DSCAML1: variants seen among roughly 807,000 people sequenced by gnomAD.
DSCAML1 encodes the protein DS cell adhesion molecule like 1.
DSCAML1 carries 38 observed loss-of-function variants against 200.5 expected under a neutral mutation model. That is an observed-to-expected ratio of 0.19 (90% confidence interval 0.15 to 0.25). The LOEUF is 0.25. Among genes scored for constraint, DSCAML1 ranks in the 10% least tolerant of loss-of-function variants. DSCAML1 has a pLI of 1.00. For missense variants in DSCAML1, 2,223 were observed against 2,858.8 expected (o/e 0.78, Z 5.07); for synonymous variants, 1,215 against 1,165.0 (o/e 1.04, Z -0.87).
In DSCAML1 at chr11:117,797,138, C is replaced by A; in HGVS notation, c.-59G>T. On this transcript the variant is annotated 5_prime_UTR_variant, in exon 1 of 33. Transcript: ENST00000651296. ...TCCTGTGGCCGGCCGTGCGGCAGCG[C>A]CTCTCCCCCGCTCAGCGCGCTCCCA... The A allele has an allele frequency of 6.3e-7, 1 of 1,591,190 alleles. No individual in the cohort carries two copies. Among genetic ancestry groups the A allele is most frequent in the South Asian group, 1.1e-5 (1 of 88,330 alleles).
At chr11:117,529,830 G>A (rs2137336448) in intron 4 of DSCAML1, among the ~76,000 whole-genome samples, 1 of 152,052 alleles carries the variant, frequency 6.6e-6, no homozygotes. Context: ...GGGAGGGGCG[G>A]GTGAGCCTGA....
At chr11:117,734,544 C>G (rs554660741) in intron 3 of DSCAML1, among the ~76,000 whole-genome samples, 39 of 152,338 alleles carry the variant, frequency 2.6e-4, no homozygotes, top group African/African-American at 8.9e-4. Flanking sequence ...TTATTTTAAA[C>G]CTTGAATTGT....
At chr11:117,435,473 C>T (rs1046165528) in intron 27 of DSCAML1, among the ~76,000 whole-genome samples, 171 bp downstream of exon 27, 2 of 152,196 alleles carry the variant, frequency 1.3e-5, no homozygotes, top group Admixed American at 6.5e-5. Flanking sequence ...AAGTGGTGAA[C>T]GAAACCTTCT....
chr11:117,811,248 C>G (rs1017344974), intron 1 of DSCAML1, among the ~76,000 whole-genome samples: 3 of 152,086 alleles, frequency 2.0e-5, no homozygotes, highest in African/African-American at 7.3e-5. Flanking sequence ...CGGCAGCAAC[C>G]CTGAGAAGCT....
At chr11:117,451,213 G>A (rs2048275882) in intron 19 of DSCAML1, among the ~76,000 whole-genome samples, 1 of 152,176 alleles carries the variant, frequency 6.6e-6, no homozygotes, top group Admixed American at 6.5e-5. Context: ...AAGTCACTAG[G>A]AAATCCATCC....
upstream of DSCAML1, chr11:117,801,165 A>C (rs560526072): frequency 6.6e-6 from 1 of 152,252 alleles, no homozygotes; most frequent in Non-Finnish European, 1.5e-5. Context: ...AATATTATAG[A>C]AAGAGTTCTC....
At chr11:117,515,804 A>G (rs1034516210) in intron 8 of DSCAML1, among the ~76,000 whole-genome samples, 1 of 151,826 alleles carries the variant, frequency 6.6e-6, no homozygotes, top group African/African-American at 2.4e-5. Flanking sequence ...AATTTTTAGT[A>G]GAGACGGGGT....
At position 117,797,130 on chromosome 11, in the gene DSCAML1, C is replaced by T. The variant is rs201764408; in HGVS notation, c.-51G>A. On this transcript the variant is annotated 5_prime_UTR_variant, in exon 1 of 33. Coordinates refer to ENST00000651296, the MANE Select transcript of DSCAML1 (RefSeq NM_020693.4). Reference sequence around the variant, plus strand: ...GGAGGTGGTCCTGTGGCCGGCCGTGCGGCAGCGCCTCTCCCCCGCTCAGCG... The same window carrying T: ...GGAGGTGGTCCTGTGGCCGGCCGTGTGGCAGCGCCTCTCCCCCGCTCAGCG... The T allele has an allele frequency of 1.3e-6, 2 of 1,591,072 alleles. No individual in the cohort carries two copies. The highest frequency in any genetic ancestry group is 1.7e-5 in the Admixed American group (1 of 57,594).
At chr11:117,586,580 C>T (rs1264119991) in intron 3 of DSCAML1, among the ~76,000 whole-genome samples, 17 of 152,252 alleles carry the variant, frequency 1.1e-4, no homozygotes, top group Admixed American at 9.8e-4. Context: ...CTGTTCGACT[C>T]GGCTGGCAGG....
At chr11:117,484,528 T>A (rs781475257) in intron 11 of DSCAML1, among the ~76,000 whole-genome samples, 31 of 152,028 alleles carry the variant, frequency 2.0e-4, no homozygotes, top group Admixed American at 3.3e-4. Flanking sequence ...AAAAGACAAA[T>A]AACGAGGTGC....
rs2047949623 is a variant in DSCAML1 at position 117,437,732 on chromosome 11, A to G, written c.4432+163T>C. Among the ~76,000 whole-genome samples, 1 of 152,098 alleles carries G rather than the reference A, an allele frequency of 6.6e-6. No individual in the cohort carries two copies. The highest frequency in any genetic ancestry group is 6.5e-5 in the Admixed American group (1 of 15,274). ...TTTTCCTAATGGGATCCATCGGGACACTGTGGTGACGGGAAGGAGGCTGAG... is the reference window on the plus strand; with the variant it reads ...TTTTCCTAATGGGATCCATCGGGACGCTGTGGTGACGGGAAGGAGGCTGAG... On this transcript the variant is annotated intron_variant, in intron 25 of 32. Transcript: ENST00000651296. The surrounding 1 kb of genome is among the most constrained non-coding windows in gnomAD (Gnocchi z 5.3).
intron 4 of DSCAML1, among the ~76,000 whole-genome samples, chr11:117,530,080 C>T (rs565849680): frequency 3.3e-5 from 5 of 152,062 alleles, no homozygotes; most frequent in Non-Finnish European, 7.4e-5. Context: ...TGTGCCGGGG[C>T]CTCTCTCTTG....
chr11:117,461,735 G>A, intron 17 of DSCAML1, 139 bp from the exon 18 acceptor site: 2 of 729,218 alleles, frequency 2.7e-6, no homozygotes, highest in East Asian at 2.7e-5. Flanking sequence ...CTCCTGACTT[G>A]AGCATCCTGA....
intron 11 of DSCAML1, among the ~76,000 whole-genome samples, chr11:117,485,447 C>A (rs1165101861): frequency 6.6e-6 from 1 of 152,194 alleles, no homozygotes; most frequent in African/African-American, 2.4e-5. Context: ...GGAGCCCGTT[C>A]ATGAGGAAGA....
intron 3 of DSCAML1, among the ~76,000 whole-genome samples, chr11:117,700,715 T>C (rs995294355): frequency 1.2e-4 from 19 of 152,202 alleles, no homozygotes; most frequent in Admixed American, 7.2e-4. Context: ...GATAGAAACA[T>C]GTCTGTGCCA....
At chr11:117,717,126 T>G (rs1293518170) in intron 3 of DSCAML1, among the ~76,000 whole-genome samples, 1 of 152,182 alleles carries the variant, frequency 6.6e-6, no homozygotes, top group African/African-American at 2.4e-5. Context: ...GAAACCACCC[T>G]GGGACAAAGC....
intron 3 of DSCAML1, among the ~76,000 whole-genome samples, chr11:117,533,161 T>C (rs1236145071): frequency 6.6e-6 from 1 of 151,894 alleles, no homozygotes; most frequent in Admixed American, 6.6e-5. Flanking sequence ...AAAATAAAAA[T>C]AATAAGGTGT....
At chr11:117,559,116 A>AAGACAGAAAAACAGAC (rs2050611712) in intron 3 of DSCAML1, among the ~76,000 whole-genome samples, 1 of 136,862 alleles carries the variant, frequency 7.3e-6, no homozygotes, top group African/African-American at 2.9e-5. Context: ...AAAAAAGAAA[A>AAGACAGAAAAACAGAC]AGAAAGACAG....
rs756785156 is a variant in DSCAML1, at chr11:117,515,039, T to C, written c.1783+1428A>G. Among the ~76,000 whole-genome samples the C allele has an allele frequency of 1.2e-3, 178 of 152,354 alleles. 3 individuals carry two copies. Among genetic ancestry groups the C allele is most frequent in the Admixed American group, 5.2e-4 (8 of 15,310 alleles). On this transcript the variant is annotated intron_variant, in intron 8 of 32. Coordinates refer to ENST00000651296, the MANE Select transcript of DSCAML1 (RefSeq NM_020693.4). Reference sequence around the variant, plus strand: ...CACAGTGCGCCTGCCGCAGTGACAGTGGCAGATCATTATAACCATCGCAGC... The same window carrying C: ...CACAGTGCGCCTGCCGCAGTGACAGCGGCAGATCATTATAACCATCGCAGC...
Sources: gnomAD v4.1 joint callset for allele counts (sites outside exome capture counted in the v4.1 genomes callset) on GRCh38, gnomAD v4.1.1 for gene constraint, Gnocchi (gnomAD v3.1) non-coding constraint, MANE v1.5 for transcripts, NCBI Gene and HGNC (gene_info 2026-07-23, HGNC 2026-07-21) for gene names.